CACNA1D: variants seen among roughly 807,000 people sequenced by gnomAD.
CACNA1D encodes voltage-dependent L-type calcium channel subunit alpha-1D.
A neutral mutation model predicts 257.1 loss-of-function variants in CACNA1D; 55 were observed. That is an observed-to-expected ratio of 0.21 (90% CI 0.17 to 0.27). The LOEUF (loss-of-function observed/expected upper bound fraction) is 0.27, where lower values mean the gene tolerates loss of function less well. Among genes scored for constraint, CACNA1D ranks in the 10% least tolerant of loss-of-function variants. The probability of loss-of-function intolerance (pLI) is 1.00; values close to 1 mark genes in which losing one functional copy is unlikely to be tolerated. For synonymous variants in CACNA1D, 980 were observed against 1,014.9 expected, an observed-to-expected ratio of 0.97 and a Z score of 0.65; for missense variants, 1,876 against 2,784.0, an observed-to-expected ratio of 0.67 and a Z score of 7.34.
Position 53,753,554 on chromosome 3 carries a change from C to G in CACNA1D, c.3676-18C>G, listed in dbSNP as rs773839644. Reference sequence around the variant, plus strand: ...GTGGCTGAGGCTCTGAGAACGGTCCCTCTGTCTTCATCCATAGCACTACGA... The same window carrying G: ...GTGGCTGAGGCTCTGAGAACGGTCCGTCTGTCTTCATCCATAGCACTACGA... On this transcript the variant is annotated intron_variant, in intron 28 of 47. Coordinates refer to ENST00000350061, the MANE Select transcript of CACNA1D (RefSeq NM_001128840.3). 1 of 1,507,902 alleles carries G rather than the reference C, an allele frequency of 6.6e-7. No homozygotes were observed. The highest frequency in any genetic ancestry group is 9.2e-7 in the Non-Finnish European group (1 of 1,083,106). 93.4% of individuals were successfully genotyped at this position (1,507,902 alleles called of 1,614,324 possible). A position where few individuals can be genotyped will look rare whatever the true frequency, so the allele number is the denominator to read the frequency against.
In CACNA1D at chr3:53,800,750, C is replaced by T. The variant is rs1202789754; in HGVS notation, c.5041-308C>T. ...CCCCCAGCCCAGAGAGCATGCCCAACCTTGGGGCCACCAGCCAGCCCAGCT... is the reference window on the plus strand; with the variant it reads ...CCCCCAGCCCAGAGAGCATGCCCAATCTTGGGGCCACCAGCCAGCCCAGCT... On this transcript the variant is annotated intron_variant, in intron 41 of 47. Coordinates refer to ENST00000350061, the MANE Select transcript of CACNA1D (RefSeq NM_001128840.3). This position sits in a 1 kb window ranked among gnomAD's most constrained non-coding sequence, Gnocchi z 4.3. 3.9e-6 allele frequency: 2 copies of T among 516,538 alleles called. No individual in the cohort carries two copies. The highest frequency in any genetic ancestry group is 3.6e-5 in the East Asian group (1 of 27,904). 32.0% of individuals were successfully genotyped at this position (516,538 alleles called of 1,614,324 possible).
chr3:53,553,968 G>A (rs929839633), intron 3 of CACNA1D, among the ~76,000 whole-genome samples: 5 of 151,716 alleles, frequency 3.3e-5, no homozygotes, highest in South Asian at 2.1e-4. Flanking sequence ...AGGCCAAGGC[G>A]GGCAGATCAT....
Position 53,712,189 on chromosome 3 carries a change from G to A in CACNA1D, c.1391-6112G>A, listed in dbSNP as rs578115860. On this transcript the variant is annotated intron_variant, in intron 9 of 47. Transcript: ENST00000350061. ...CTTGTGATTCTTTAAGGATTCTTGT[G>A]CCTTCTCCATTGTCTTTCTGAGATC... Among the ~76,000 whole-genome samples, 3 of 152,324 alleles carry A rather than the reference G, an allele frequency of 2.0e-5. No individual in the cohort carries two copies. The East Asian group carries it at 5.8e-4, about 29-fold the overall frequency.
chr3:53,529,215 T>C (rs548171699), intron 3 of CACNA1D, among the ~76,000 whole-genome samples: 16 of 152,326 alleles, frequency 1.1e-4, no homozygotes, highest in African/African-American at 2.6e-4. Context: ...GTTTTTATTA[T>C]GAAAGGATGT....
At chr3:53,784,651 C>T (rs898589990) in intron 39 of CACNA1D, among the ~76,000 whole-genome samples, 4 of 152,032 alleles carry the variant, frequency 2.6e-5, no homozygotes, top group African/African-American at 9.7e-5. Context: ...AGAGCCAGGG[C>T]GTTTTCTGGG....
chr3:53,786,389 G>A (rs2095453039), intron 39 of CACNA1D: 1 of 192,468 alleles, frequency 5.2e-6, no homozygotes, highest in African/African-American at 2.4e-5. Context: ...GAGACATCGG[G>A]ATTTGGACGG....
At chr3:53,674,759 G>A (rs928891790) in intron 8 of CACNA1D, among the ~76,000 whole-genome samples, 6 of 152,174 alleles carry the variant, frequency 3.9e-5, no homozygotes, top group Non-Finnish European at 5.9e-5. Context: ...AGCCATTGCC[G>A]GGTTGTGGGG....
chr3:53,586,131 T>G (rs913345450), intron 3 of CACNA1D, among the ~76,000 whole-genome samples: 2 of 152,186 alleles, frequency 1.3e-5, no homozygotes, highest in Non-Finnish European at 2.9e-5. Context: ...TGACCTCTCC[T>G]GAGCATCCCA....
intron 3 of CACNA1D, among the ~76,000 whole-genome samples, chr3:53,510,068 T>A (rs183979007): frequency 3.9e-5 from 6 of 152,342 alleles, no homozygotes; most frequent in Admixed American, 3.3e-4. Context: ...TGTTTTCATA[T>A]TTTGCATTCT....
chr3:53,732,785 A>T (rs1400573117), intron 18 of CACNA1D, 30 bp from the exon 19 acceptor site: 2 of 1,600,926 alleles, frequency 1.2e-6, no homozygotes, highest in East Asian at 2.2e-5. Context: ...TCTTTATTTC[A>T]TGCCTATAAA....
At chr3:53,513,193 A>G (rs1242463970) in intron 3 of CACNA1D, among the ~76,000 whole-genome samples, 2 of 152,184 alleles carry the variant, frequency 1.3e-5, no homozygotes, top group East Asian at 1.9e-4. Flanking sequence ...GGCTTTCTAT[A>G]TAGGGTCCTG....
intron 3 of CACNA1D, among the ~76,000 whole-genome samples, chr3:53,617,498 A>G (rs1245455256): frequency 6.6e-6 from 1 of 152,196 alleles, no homozygotes; most frequent in African/African-American, 2.4e-5. Context: ...GGGTGTTATG[A>G]CAATTAAGTG....
chr3:53,759,302 G>C (rs1553666905), intron 29 of CACNA1D, among the ~76,000 whole-genome samples: 3 of 152,270 alleles, frequency 2.0e-5, no homozygotes, highest in Non-Finnish European at 4.4e-5. Context: ...GAAATGGCCT[G>C]AAGGGGAGAA....
intron 9 of CACNA1D, among the ~76,000 whole-genome samples, chr3:53,712,583 G>C (rs2094771138): frequency 6.6e-6 from 1 of 152,100 alleles, no homozygotes; most frequent in African/African-American, 2.4e-5. Flanking sequence ...TGGCAGGCCT[G>C]TACGTCATGG....
chr3:53,738,388 T>C (rs1266024482), intron 20 of CACNA1D, among the ~76,000 whole-genome samples: 1 of 152,194 alleles, frequency 6.6e-6, no homozygotes, highest in Non-Finnish European at 1.5e-5. Flanking sequence ...CTGTCTTGAT[T>C]TGTCCTCACA....
At chr3:53,764,199 T>C (rs1391011320) in intron 30 of CACNA1D, among the ~76,000 whole-genome samples, 1 of 152,226 alleles carries the variant, frequency 6.6e-6, no homozygotes, top group Non-Finnish European at 1.5e-5. Context: ...CATTCAGATA[T>C]GTAAATGATG....
chr3:53,636,880 C>T (rs1381919948), intron 3 of CACNA1D, among the ~76,000 whole-genome samples: 4 of 152,164 alleles, frequency 2.6e-5, no homozygotes, highest in African/African-American at 9.7e-5. Context: ...TTGTTCTGTG[C>T]CAAGAAACAG....
Position 53,631,191 on chromosome 3 carries a change from A to G in CACNA1D, c.484-19588A>G, listed in dbSNP as rs556364683. Among the ~76,000 whole-genome samples the G allele has an allele frequency of 1.9e-4, 29 of 152,264 alleles. No individual in the cohort carries two copies. In the South Asian group the frequency reaches 5.6e-3, roughly 29 times the overall value. ...GTAGCATGGGATGCTGTTTGACCGC[A>G]TTTTACCCACAGTAGAACTTCTCTC... On this transcript the variant is annotated intron_variant, in intron 3 of 47. Transcript: ENST00000350061.
intron 14 of CACNA1D, among the ~76,000 whole-genome samples, chr3:53,725,589 C>T (rs1263984357): frequency 6.6e-6 from 1 of 152,124 alleles, no homozygotes; most frequent in African/African-American, 2.4e-5. Flanking sequence ...TGCCTCACTG[C>T]CTCTCCCCTC....
Sources: allele counts gnomAD v4.1 joint callset (sites outside exome capture counted in the v4.1 genomes callset), GRCh38; gene constraint gnomAD v4.1.1; non-coding constraint Gnocchi (gnomAD v3.1); transcripts MANE v1.5; gene names NCBI Gene and HGNC (gene_info 2026-07-23, HGNC 2026-07-21).